The following KIF1B variants were observed in gnomAD, a reference collection of about 807,000 sequenced individuals.
The protein encoded by KIF1B is kinesin family member 1B.
In KIF1B, 76 loss-of-function variants were observed where a neutral mutation model predicts 241.9. The observed-to-expected ratio is 0.31, with a 90% confidence interval of 0.26 to 0.38. The LOEUF (loss-of-function observed/expected upper bound fraction) is 0.38, where lower values mean the gene tolerates loss of function less well. Ranked by LOEUF, KIF1B falls within the 10% of genes least tolerant of loss-of-function variation. The probability of loss-of-function intolerance (pLI) is 1.00; values close to 1 mark genes in which losing one functional copy is unlikely to be tolerated. For missense variants in KIF1B, 1,622 were observed against 2,271.4 expected (o/e 0.71, Z 5.81); for synonymous variants, 750 against 796.7 (o/e 0.94, Z 0.99).
At chr1:10,313,310 G>T (rs991943109) in intron 22 of KIF1B, among the ~76,000 whole-genome samples, 4 of 151,114 alleles carry the variant, frequency 2.6e-5, no homozygotes, top group African/African-American at 9.9e-5. Context: ...CAGGTGATCC[G>T]TCCACCTTGG....
Position 10,337,629 on chromosome 1 carries a change from A to G in KIF1B, c.3422+96A>G. The G allele has an allele frequency of 7.5e-7, 1 of 1,325,862 alleles. No homozygotes were observed. Among genetic ancestry groups the G allele is most frequent in the South Asian group, 1.2e-5 (1 of 82,774 alleles). The allele number at this position is 1,325,862 out of a possible 1,614,324, so 82.1% of individuals were successfully genotyped here. ...TGCTTTACATGTGTGAGGGATTAAC[A>G]CTCTTGAGACAAAGACTGATCAGTC... is the stretch of plus-strand genomic sequence containing the variant. On this transcript the variant is annotated intron_variant, in intron 31 of 48. Coordinates refer to ENST00000676179, the MANE Select transcript of KIF1B (RefSeq NM_001365951.3). The surrounding 1 kb of genome is among the most constrained non-coding windows in gnomAD (Gnocchi z 4.0).
chr1:10,296,538 A>G (rs777032337), intron 19 of KIF1B, 44 bp from the exon 20 acceptor site: 5 of 1,478,504 alleles, frequency 3.4e-6, no homozygotes, highest in Middle Eastern at 1.8e-4. Context: ...ATTTGATTCC[A>G]ATAGTTTGTA....
At chr1:10,282,989 C>T (rs890841916) in intron 15 of KIF1B, among the ~76,000 whole-genome samples, 3 of 151,932 alleles carry the variant, frequency 2.0e-5, no homozygotes, top group Non-Finnish European at 2.9e-5. Flanking sequence ...GGGTGGATCA[C>T]GAGGTCAGGA....
chr1:10,350,028 C>T (rs542034477), intron 37 of KIF1B, among the ~76,000 whole-genome samples: 20 of 152,228 alleles, frequency 1.3e-4, no homozygotes, highest in East Asian at 1.2e-3. Flanking sequence ...CGGTGGCTCA[C>T]GCCTGTAATC....
intron 31 of KIF1B, among the ~76,000 whole-genome samples, chr1:10,338,010 A>G (rs1258524525): frequency 6.6e-6 from 1 of 152,110 alleles, no homozygotes; most frequent in African/African-American, 2.4e-5. Context: ...GATACCTCTC[A>G]TTTCTCATCT....
chr1:10,328,014 C>CT (rs1410187799), intron 27 of KIF1B, among the ~76,000 whole-genome samples: 1 of 152,096 alleles, frequency 6.6e-6, no homozygotes, highest in Non-Finnish European at 1.5e-5. Flanking sequence ...TAGTGAGACC[C>CT]TGTCTCTTTG....
intron 8 of KIF1B, 62 bp from the exon 9 acceptor site, chr1:10,272,179 C>A (rs979083548): frequency 3.0e-6 from 3 of 1,005,170 alleles, no homozygotes; most frequent in African/African-American, 3.2e-5. Context: ...ATTTTATGTT[C>A]TGTATGATAT....
intron 2 of KIF1B, among the ~76,000 whole-genome samples, chr1:10,237,511 C>G (rs1223297982): frequency 6.6e-6 from 1 of 152,112 alleles, no homozygotes; most frequent in Non-Finnish European, 1.5e-5. Flanking sequence ...GAATTTTGTT[C>G]ATATATTTAA....
rs1638824255 is a variant in KIF1B, at chr1:10,374,237, A to G, written c.4947-79A>G. ...TAGGGAGGGCCATTGTGTTCCTCCC[A>G]GTGAAACAGTACTCAGTATGCCTTG... On this transcript the variant is annotated intron_variant, in intron 45 of 48. Coordinates refer to ENST00000676179, the MANE Select transcript of KIF1B (RefSeq NM_001365951.3). This position sits in a 1 kb window ranked among gnomAD's most constrained non-coding sequence, Gnocchi z 4.3. 6.9e-7 allele frequency: 1 copy of G among 1,454,516 alleles called. No homozygotes were observed. Among genetic ancestry groups the G allele is most frequent in the African/African-American group, 1.4e-5 (1 of 71,860 alleles). 90.1% of individuals were successfully genotyped at this position (1,454,516 alleles called of 1,614,324 possible).
Position 10,267,452 on chromosome 1 carries a change from G to C in KIF1B, c.502G>C (p.Val168Leu). Residue 168 changes from valine to leucine, a missense_variant, in exon 6 of 49, where the codon GTG becomes CTG. Val to Leu is a conservative substitution (Grantham distance 32). Around this residue, in one of 7 missense-constraint regions of KIF1B, gnomAD observed 156 missense variants for 244.8 expected, o/e 0.64. Transcript: ENST00000676179. Reference sequence around the variant, plus strand: ...TCCAAAAAACAAGGGTAATTTGCGTGTGCGTGAACACCCACTTCTTGGACC... The same window carrying C: ...TCCAAAAAACAAGGGTAATTTGCGTCTGCGTGAACACCCACTTCTTGGACC... ...LNPKNKGNLR[V>L]REHPLLGPYV... 6.2e-7 allele frequency: 1 copy of C among 1,614,218 alleles called. No homozygotes were observed. Among genetic ancestry groups the C allele is most frequent in the Non-Finnish European group, 8.5e-7 (1 of 1,180,018 alleles).
intron 1 of KIF1B, among the ~76,000 whole-genome samples, chr1:10,222,809 G>A (rs1246714260): frequency 6.6e-6 from 1 of 152,196 alleles, no homozygotes; most frequent in Non-Finnish European, 1.5e-5. Context: ...AAGGAAAAGT[G>A]GTCAGAAGAA....
chr1:10,279,372 C>T (rs1185886896), intron 14 of KIF1B, among the ~76,000 whole-genome samples: 1 of 152,176 alleles, frequency 6.6e-6, no homozygotes, highest in Admixed American at 6.6e-5. Context: ...GAATCTCTTG[C>T]TGCTTCTACT....
intron 15 of KIF1B, among the ~76,000 whole-genome samples, chr1:10,283,345 G>T (rs771576105): frequency 6.6e-5 from 10 of 152,076 alleles, no homozygotes; most frequent in Non-Finnish European, 1.2e-4. Context: ...GTACAGGAAG[G>T]TTATCTCCTC....
chr1:10,353,904 C>T (rs1320661933), intron 38 of KIF1B, among the ~76,000 whole-genome samples: 1 of 152,110 alleles, frequency 6.6e-6, no homozygotes, highest in Non-Finnish European at 1.5e-5. Flanking sequence ...AGTAATTCTG[C>T]ATAGCTTTCT....
At chr1:10,336,306 G>A (rs949024967) in intron 28 of KIF1B, among the ~76,000 whole-genome samples, 1 of 151,960 alleles carries the variant, frequency 6.6e-6, no homozygotes, top group African/African-American at 2.4e-5. Flanking sequence ...CCGCCACCAC[G>A]CCCGGCTAAT....
intron 2 of KIF1B, among the ~76,000 whole-genome samples, chr1:10,254,669 G>A (rs1258405588): frequency 6.6e-6 from 1 of 151,902 alleles, no homozygotes; most frequent in Admixed American, 6.6e-5. Context: ...AAGGTCAGGA[G>A]ATCAAGACCA....
At chr1:10,371,754 G>A (rs1320315971) in intron 45 of KIF1B, among the ~76,000 whole-genome samples, 5 of 152,094 alleles carry the variant, frequency 3.3e-5, no homozygotes, top group African/African-American at 1.2e-4. Flanking sequence ...GCAACATAGC[G>A]ATATGCTGTC....
chr1:10,352,600 C>T (rs760910786), intron 37 of KIF1B, 31 bp from the exon 38 acceptor site: 10 of 1,546,626 alleles, frequency 6.5e-6, no homozygotes, highest in Admixed American at 5.0e-5. Context: ...CAAATGTGTC[C>T]GTGCTCTGTT....
At chr1:10,251,783 C>T (rs932605893) in intron 2 of KIF1B, among the ~76,000 whole-genome samples, 5 of 151,592 alleles carry the variant, frequency 3.3e-5, no homozygotes, top group African/African-American at 1.2e-4. Context: ...TCTTATGGTG[C>T]AGAGGCTTAA....
Sources: allele counts gnomAD v4.1 joint callset (sites outside exome capture counted in the v4.1 genomes callset), GRCh38; gene constraint gnomAD v4.1.1; regional missense constraint gnomAD v4.1.1; non-coding constraint Gnocchi (gnomAD v3.1); transcripts MANE v1.5; gene names NCBI Gene and HGNC (gene_info 2026-07-23, HGNC 2026-07-21).